GNG7: variants seen among roughly 807,000 people sequenced by gnomAD.
GNG7 encodes guanine nucleotide-binding protein G(I)/G(S)/G(O) subunit gamma-7.
GNG7 carries 1 observed loss-of-function variant against 4.0 expected under a neutral mutation model. The observed-to-expected ratio is 0.25, with a 90% confidence interval of 0.09 to 1.18. The LOEUF (loss-of-function observed/expected upper bound fraction) is 1.18, where lower values mean the gene tolerates loss of function less well. GNG7 is among the 50% of genes most tolerant of loss of function. GNG7 has a pLI of 0.50. For missense variants in GNG7, 86 were observed against 91.9 expected, an observed-to-expected ratio of 0.94 and a Z score of 0.26; for synonymous variants, 34 against 36.9, an observed-to-expected ratio of 0.92 and a Z score of 0.29.
chr19:2,593,236 T>C (rs931149142), intron 2 of GNG7, among the ~76,000 whole-genome samples: 3 of 152,148 alleles, frequency 2.0e-5, no homozygotes, highest in East Asian at 1.9e-4. Context: ...CTGGTCTTGG[T>C]CACCAACGGC....
chr19:2,625,694 TGAGGGTGTGA>T (rs1403729088), intron 2 of GNG7, among the ~76,000 whole-genome samples: 1 of 152,084 alleles, frequency 6.6e-6, no homozygotes, highest in Non-Finnish European at 1.5e-5. Context: ...AGAGAGGAGA[TGAGGGTGTGA>T]GAGGGTGAGC....
chr19:2,676,842 A>G (rs1983607382), intron 1 of GNG7, among the ~76,000 whole-genome samples: 1 of 152,094 alleles, frequency 6.6e-6, no homozygotes, highest in Non-Finnish European at 1.5e-5. Flanking sequence ...GCAAGACTCA[A>G]AGAGATGTGT....
chr19:2,601,167 T>C (rs1981188513), intron 2 of GNG7, among the ~76,000 whole-genome samples: 1 of 152,070 alleles, frequency 6.6e-6, no homozygotes, highest in Non-Finnish European at 1.5e-5. Flanking sequence ...TTATTACTTA[T>C]GTAAAAAATA....
intron 1 of GNG7, among the ~76,000 whole-genome samples, chr19:2,687,084 G>T (rs1442978347): frequency 1.6e-4 from 24 of 150,348 alleles, no homozygotes; most frequent in Admixed American, 1.3e-3. Flanking sequence ...TTGAGACAAG[G>T]TCTGGCTCTG....
At chr19:2,550,164 G>A (rs1979270028) in intron 3 of GNG7, among the ~76,000 whole-genome samples, 1 of 152,132 alleles carries the variant, frequency 6.6e-6, no homozygotes, top group African/African-American at 2.4e-5. Flanking sequence ...TGGGTAGAAT[G>A]CAGCAGAAGG....
At position 2,634,552 on chromosome 19, in the gene GNG7, C is replaced by G. The variant is rs1231532723; in HGVS notation, c.-78+11672G>C. 2.0e-5 allele frequency among the ~76,000 whole-genome samples: 3 copies of G among 152,074 alleles called. No homozygotes were observed. Among genetic ancestry groups the G allele is most frequent in the South Asian group, 2.1e-4 (1 of 4,816 alleles). ...CTGAGTCCTGGAGACTGTGGCAGAG[C>G]CCCTGATTTCGGCACAGCGCCCCGT... On this transcript the variant is annotated intron_variant, in intron 2 of 4. Coordinates refer to ENST00000382159, the MANE Select transcript of GNG7 (RefSeq NM_052847.3). The surrounding 1 kb of genome is among the most constrained non-coding windows in gnomAD (Gnocchi z 5.3).
chr19:2,516,202 G>A (rs973467743), intron 4 of GNG7, among the ~76,000 whole-genome samples: 3 of 152,018 alleles, frequency 2.0e-5, no homozygotes, highest in African/African-American at 7.3e-5. Flanking sequence ...GGGGGATGGA[G>A]CAAGACCCTG....
intron 2 of GNG7, among the ~76,000 whole-genome samples, chr19:2,604,315 A>G (rs896188676): frequency 1.3e-5 from 2 of 151,756 alleles, no homozygotes; most frequent in Non-Finnish European, 2.9e-5. Flanking sequence ...ACAAAAAATA[A>G]AAATAAATTA....
chr19:2,670,424 C>T (rs1022268483), intron 1 of GNG7, among the ~76,000 whole-genome samples: 2 of 152,220 alleles, frequency 1.3e-5, no homozygotes, highest in East Asian at 1.9e-4. Context: ...CTCCCAGCGC[C>T]GGTGTCTGCA....
chr19:2,683,129 C>T (rs545939058), intron 1 of GNG7, among the ~76,000 whole-genome samples: 3 of 152,172 alleles, frequency 2.0e-5, no homozygotes, highest in South Asian at 2.1e-4. Flanking sequence ...ATCCCAGCTA[C>T]TCGGGACGCT....
Position 2,635,736 on chromosome 19 carries a change from C to T in GNG7, c.-78+10488G>A, listed in dbSNP as rs143108433. On this transcript the variant is annotated intron_variant, in intron 2 of 4. Coordinates refer to ENST00000382159, the MANE Select transcript of GNG7 (RefSeq NM_052847.3). ...TAGCTGGGATTGCAGGCGCCCGCCA[C>T]CACACCCAGCTAATTTTTGTATTTT... 8.4e-3 allele frequency among the ~76,000 whole-genome samples: 1,276 copies of T among 152,264 alleles called. 17 individuals are homozygous for T. The highest frequency in any genetic ancestry group is 0.029 in the African/African-American group (1,225 of 41,550).
At chr19:2,604,839 G>A (rs937904617) in intron 2 of GNG7, among the ~76,000 whole-genome samples, 1 of 152,112 alleles carries the variant, frequency 6.6e-6, no homozygotes, top group African/African-American at 2.4e-5. Context: ...ATCCAGTGGC[G>A]GCTTCCCCTC....
At chr19:2,591,377 C>T (rs1210584958) in intron 2 of GNG7, among the ~76,000 whole-genome samples, 2 of 151,980 alleles carry the variant, frequency 1.3e-5, no homozygotes, top group Non-Finnish European at 2.9e-5. Context: ...GGATGATTTC[C>T]ATCCCTTTCT....
At chr19:2,531,866 G>T (rs868768847) in intron 3 of GNG7, among the ~76,000 whole-genome samples, 10 of 151,670 alleles carry the variant, frequency 6.6e-5, no homozygotes, top group African/African-American at 1.9e-4. Flanking sequence ...GAAATAACCA[G>T]CACTGCCAGG....
intron 2 of GNG7, among the ~76,000 whole-genome samples, chr19:2,627,775 A>G (rs1982057637): frequency 6.6e-6 from 1 of 152,144 alleles, no homozygotes; most frequent in Admixed American, 6.5e-5. Flanking sequence ...TGAGCCTCAC[A>G]GTTATGTTCT....
chr19:2,646,181 C>G (rs772186466), intron 2 of GNG7, 43 bp downstream of exon 2: 3 of 152,256 alleles, frequency 2.0e-5, no homozygotes, highest in Non-Finnish European at 4.4e-5. Context: ...AAACAGCCAA[C>G]TGAACCTCAA....
chr19:2,561,528 C>T (rs1313783708), intron 2 of GNG7, among the ~76,000 whole-genome samples: 1 of 152,086 alleles, frequency 6.6e-6, no homozygotes, highest in Non-Finnish European at 1.5e-5. Context: ...ACCCTCCCAG[C>T]TCTTAGCACT....
At chr19:2,691,437 A>C (rs984044166) in intron 1 of GNG7, among the ~76,000 whole-genome samples, 2 of 152,048 alleles carry the variant, frequency 1.3e-5, no homozygotes, top group Non-Finnish European at 2.9e-5. Context: ...CCAGCTACTC[A>C]GGAGGCTGAG....
intron 2 of GNG7, among the ~76,000 whole-genome samples, chr19:2,622,628 G>A (rs1473691358): frequency 6.9e-6 from 1 of 144,086 alleles, no homozygotes; most frequent in South Asian, 2.1e-4. Flanking sequence ...CGAGCAACGC[G>A]GCAGAGAGGG....
Sources: gnomAD v4.1 joint callset for allele counts (sites outside exome capture counted in the v4.1 genomes callset) on GRCh38, gnomAD v4.1.1 for gene constraint, Gnocchi (gnomAD v3.1) non-coding constraint, MANE v1.5 for transcripts, NCBI Gene and HGNC (gene_info 2026-07-23, HGNC 2026-07-21) for gene names.